The following PARP14 variants were observed in gnomAD, a reference collection of about 807,000 sequenced individuals.
PARP14 encodes the protein poly(ADP-ribose) polymerase family member 14, also known as protein mono-ADP-ribosyltransferase PARP14.
PARP14 carries 59 observed loss-of-function variants against 154.2 expected under a neutral mutation model. That is an observed-to-expected ratio of 0.38 (90% CI 0.31 to 0.48). The LOEUF (loss-of-function observed/expected upper bound fraction) is 0.48, where lower values mean the gene tolerates loss of function less well. Among genes scored for constraint, PARP14 ranks in the 20% least tolerant of loss-of-function variants. PARP14 has a pLI of 0.98. For synonymous variants in PARP14, 720 were observed against 780.5 expected (o/e 0.92, Z 1.29); for missense variants, 1,734 against 2,131.6 (o/e 0.81, Z 3.67).
Position 122,692,388 on chromosome 3 carries a change from C to G in PARP14, c.443C>G (p.Ser148Cys). The G allele has an allele frequency of 3.1e-6, 5 of 1,613,632 alleles. No individual in the cohort carries two copies. Among genetic ancestry groups the G allele is most frequent in the Non-Finnish European group, 3.4e-6 (4 of 1,179,654 alleles). ...EDIPEECENI[S>C]SLVAFENLKA... ...ATCCCAGAGGAATGTGAAAATATTT[C>G]CTCTTTGGTGGCATTTGAAAACCTC... is the stretch of plus-strand genomic sequence containing the variant. The change falls in exon 4 of 17, where the codon TCC (serine) becomes TGC (cysteine). Residue 148 changes from serine (S) to cysteine (C), a missense_variant. This residue lies in a region of PARP14 where 1,646 missense variants were observed against 1,976.0 expected (regional missense o/e 0.83). Coordinates refer to ENST00000474629, the MANE Select transcript of PARP14 (RefSeq NM_017554.3).
chr3:122,714,690 TAAG>T lies in PARP14; in HGVS notation c.4000+262_4000+264del, dbSNP rs201784935. On this transcript the variant is annotated intron_variant, in intron 12 of 16. Coordinates refer to ENST00000474629, the MANE Select transcript of PARP14 (RefSeq NM_017554.3). ...GAGGCAGAAAGAAGGGAAGGGAAAA[TAAG>T]GAGGAGAAGAGAAGGGAGAGAGTGG... Among the ~76,000 whole-genome samples, 1,687 of 152,186 alleles carry T rather than the reference TAAG, an allele frequency of 0.011. 77 individuals carry two copies. In the East Asian group the frequency reaches 0.15, roughly 13 times the overall value.
intron 3 of PARP14, among the ~76,000 whole-genome samples, chr3:122,687,333 G>C (rs1055008986): frequency 6.6e-6 from 1 of 152,148 alleles, no homozygotes; most frequent in Non-Finnish European, 1.5e-5. Flanking sequence ...CTCTCTCTGG[G>C]GACTGGAAGA....
At chr3:122,717,826 A>C (rs1423355525) in intron 12 of PARP14, among the ~76,000 whole-genome samples, 1 of 152,198 alleles carries the variant, frequency 6.6e-6, no homozygotes, top group Non-Finnish European at 1.5e-5. Context: ...AGACACCAAA[A>C]GTCAGATTTC....
chr3:122,722,899 T>TAA (rs1257198697), intron 15 of PARP14, among the ~76,000 whole-genome samples: 1 of 152,098 alleles, frequency 6.6e-6, no homozygotes, highest in African/African-American at 2.4e-5. Flanking sequence ...ATTAAAAACT[T>TAA]AACATTAATT....
chr3:122,714,319 A>C lies in PARP14; in HGVS notation c.3890A>C (p.Asn1297Thr). 4 of 1,601,268 alleles carry C rather than the reference A, an allele frequency of 2.5e-6. No homozygotes were observed. The highest frequency in any genetic ancestry group is 3.4e-6 in the Non-Finnish European group (4 of 1,176,148). The change falls in exon 12 of 17, where the codon AAT becomes ACT. Residue 1297 changes from asparagine to threonine, a missense_variant. By Grantham distance (65) the Asn-to-Thr change is moderately conservative. This residue lies in a region of PARP14 where 1,646 missense variants were observed against 1,976.0 expected (regional missense o/e 0.83). Transcript: ENST00000474629. The part of the protein sequence containing the change: ...ITGGGFLRCK[N>T]IIHVIGGNDV... ...GGAGGTGGATTTTTGAGGTGCAAGA[A>C]TATCATTCATGTAATTGGTGGAAAT...
intron 4 of PARP14, among the ~76,000 whole-genome samples, chr3:122,695,204 C>A (rs1275859607): frequency 6.6e-6 from 1 of 152,160 alleles, no homozygotes; most frequent in Non-Finnish European, 1.5e-5. Flanking sequence ...GGGGACACAG[C>A]TCAGTGGCAG....
chr3:122,690,147 CTTG>C (rs1938493640), intron 3 of PARP14, among the ~76,000 whole-genome samples: 1 of 152,136 alleles, frequency 6.6e-6, no homozygotes, highest in Non-Finnish European at 1.5e-5. Context: ...TTAAGCCTTT[CTTG>C]TGGTGAAGCG....
chr3:122,685,144 T>C, intron 1 of PARP14, 41 bp from the exon 2 acceptor site: 1 of 1,604,160 alleles, frequency 6.2e-7, no homozygotes, highest in Non-Finnish European at 8.5e-7. Context: ...AAATAAAGAT[T>C]GCTTGTCATT....
rs373543850 is a variant in PARP14 at position 122,699,382 on chromosome 3, C to T, written c.836-8C>T. ...GGGCTTACATTATTTTACTTCTTTC[C>T]TTTTAAGTGTTAGACACCATCATGG... is the stretch of plus-strand genomic sequence containing the variant. On this transcript the variant is annotated splice_region_variant and splice_polypyrimidine_tract_variant and intron_variant, in intron 5 of 16. Transcript: ENST00000474629. 9 of 1,554,800 alleles carry T rather than the reference C, an allele frequency of 5.8e-6. No homozygotes were observed. Among genetic ancestry groups the T allele is most frequent in the African/African-American group, 5.5e-5 (4 of 72,512 alleles).
At chr3:122,717,880 T>G (rs1243369636) in intron 12 of PARP14, among the ~76,000 whole-genome samples, 191 bp from the exon 13 acceptor site, 1 of 152,226 alleles carries the variant, frequency 6.6e-6, no homozygotes, top group Non-Finnish European at 1.5e-5. Context: ...CCTGACATCC[T>G]GGAACAAAAA....
chr3:122,713,656 AC>A, intron 10 of PARP14, 83 bp downstream of exon 10: 1 of 1,275,984 alleles, frequency 7.8e-7, no homozygotes, highest in South Asian at 1.4e-5. Context: ...GGTTTTTAGA[AC>A]TTTGGCTTGT....
At chr3:122,702,214 T>G (rs1319735295) in intron 6 of PARP14, among the ~76,000 whole-genome samples, 1 of 152,098 alleles carries the variant, frequency 6.6e-6, no homozygotes, top group Admixed American at 6.5e-5. Context: ...CTAATATGTT[T>G]CTTTTTCTTT....
At chr3:122,696,797 C>T (rs983584968) in intron 5 of PARP14, among the ~76,000 whole-genome samples, 7 of 152,142 alleles carry the variant, frequency 4.6e-5, no homozygotes. Flanking sequence ...CTCTATGAGG[C>T]ACTCTCAAAG....
intron 16 of PARP14, 60 bp from the exon 17 acceptor site, chr3:122,728,248 G>A (rs1933339682): frequency 7.1e-7 from 1 of 1,403,418 alleles, no homozygotes; most frequent in African/African-American, 1.4e-5. Context: ...AACAGATTGG[G>A]CCAACATATC....
At chr3:122,694,899 C>G (rs1040708699) in intron 4 of PARP14, among the ~76,000 whole-genome samples, 3 of 151,850 alleles carry the variant, frequency 2.0e-5, no homozygotes, top group African/African-American at 7.3e-5. Context: ...GAAGAGCATT[C>G]CAAATGCAGG....
chr3:122,712,758 G>T (rs2107650503), intron 9 of PARP14, among the ~76,000 whole-genome samples: 1 of 151,864 alleles, frequency 6.6e-6, no homozygotes, highest in Middle Eastern at 3.4e-3. Flanking sequence ...TCACCATGTT[G>T]TTCAGGCTGA....
rs770597753 is a variant in PARP14, at chr3:122,720,441, T to C, written c.4941+53T>C. 3.2e-6 allele frequency: 5 copies of C among 1,545,204 alleles called. No individual in the cohort carries two copies. The East Asian group carries it at 1.1e-4, about 35-fold the overall frequency. On this transcript the variant is annotated intron_variant, in intron 15 of 16. Transcript: ENST00000474629. ...TGGATGGTGGAAATAAGTTCTGTCA[T>C]GGTCCTATATAAAATCCATTTTCAT...
chr3:122,686,848 G>A (rs1938390451), intron 2 of PARP14: 1 of 485,226 alleles, frequency 2.1e-6, no homozygotes, highest in East Asian at 3.4e-5. Flanking sequence ...CCAAATGCTT[G>A]GTGTTAATTG....
Position 122,729,251 on chromosome 3 carries a change from C to A in PARP14, c.*654C>A, listed in dbSNP as rs1031119217. The A allele has an allele frequency of 6.5e-6, 1 of 153,048 alleles. No individual in the cohort carries two copies. Among genetic ancestry groups the A allele is most frequent in the Admixed American group, 6.5e-5 (1 of 15,374 alleles). 9.5% of individuals were successfully genotyped at this position (153,048 alleles called of 1,614,324 possible). A position where few individuals can be genotyped will look rare whatever the true frequency, so the allele number is the denominator to read the frequency against. On this transcript the variant is annotated 3_prime_UTR_variant, in exon 17 of 17. Transcript: ENST00000474629. ...CGGAACTTCATTCTTCACAAACTAG[C>A]CAGTGACATGTGGGACAGCTCTGGC...
Sources: allele counts gnomAD v4.1 joint callset (sites outside exome capture counted in the v4.1 genomes callset), GRCh38; gene constraint gnomAD v4.1.1; regional missense constraint gnomAD v4.1.1; transcripts MANE v1.5; gene names NCBI Gene and HGNC (gene_info 2026-07-23, HGNC 2026-07-21).